LAGE3: variants seen among roughly 807,000 people sequenced by gnomAD.
LAGE3 encodes the protein EKC/KEOPS complex subunit LAGE3.
LAGE3 carries 2 observed loss-of-function variants against 4.4 expected under a neutral mutation model. That is an observed-to-expected ratio of 0.46 (90% CI 0.19 to 1.44). LAGE3 has a LOEUF of 1.44. Among genes scored for constraint, LAGE3 ranks in the 40% most tolerant of loss-of-function variants. LAGE3 has a pLI of 0.26. For synonymous variants in LAGE3, 79 were observed against 60.0 expected (o/e 1.32, Z -1.47); for missense variants, 152 against 138.1 (o/e 1.10, Z -0.51).
At chrX:154,478,220 C>G in intron 2 of LAGE3, 63 bp downstream of exon 2, 1 of 1,189,410 alleles carries the variant, frequency 8.4e-7, no homozygotes, top group Non-Finnish European at 1.1e-6. Flanking sequence ...TAGGGCTCAT[C>G]CTTGGATGTC....
rs782369839 is a variant in LAGE3 at position 154,477,956 on chromosome X, G to A, written c.420C>T (p.Pro140=). The A allele has an allele frequency of 2.4e-5, 29 of 1,208,118 alleles. No individual in the cohort carries two copies. Among genetic ancestry groups the A allele is most frequent in the South Asian group, 1.1e-4 (6 of 56,831 alleles). The change falls in exon 3 of 3, where the codon CCC becomes CCT. Residue 140 remains proline (P), a synonymous_variant. Coordinates refer to ENST00000357360, the MANE Select transcript of LAGE3 (RefSeq NM_006014.5). ...GCCCAGGCCAGGCTTAGCGGGAAAC[G>A]GGGGGCCCAAAGCGCTGCATGGTCC... ...VVRTMQRFGP[P]VSR
At position 154,478,890 on chromosome X, in the gene LAGE3, CCTGCGT is replaced by C; in HGVS notation, c.20_25del (p.Asp7_Ala8del). The C allele has an allele frequency of 1.0e-6, 1 of 1,002,629 alleles. No individual in the cohort carries two copies. Among genetic ancestry groups the C allele is most frequent in the South Asian group, 3.2e-5 (1 of 31,730 alleles). The allele number at this position is 1,002,629 out of a possible 1,213,427, so 82.6% of individuals were successfully genotyped here. On this transcript the variant is annotated inframe_deletion, in exon 1 of 3. Coordinates refer to ENST00000357360, the MANE Select transcript of LAGE3 (RefSeq NM_006014.5). ...GCCATCCCCGCCGTCAGCGCCTCCG[CCTGCGT>C]CTGCATCCGCGTCCCGCATGACCGC...
At chrX:154,478,547 G>A (rs2148261337) in intron 1 of LAGE3, 136 bp from the exon 2 acceptor site, 1 of 975,680 alleles carries the variant, frequency 1.0e-6, no homozygotes, top group Non-Finnish European at 1.4e-6. Flanking sequence ...CCAGGCCACC[G>A]TTAGCAGAGC....
In LAGE3 at chrX:154,478,714, C is replaced by G; in HGVS notation, c.188+14G>C. 9.2e-7 allele frequency: 1 copy of G among 1,088,179 alleles called. No homozygotes were observed. Among genetic ancestry groups the G allele is most frequent in the Non-Finnish European group, 1.2e-6 (1 of 843,043 alleles). 89.7% of individuals were successfully genotyped at this position (1,088,179 alleles called of 1,213,427 possible). A position where few individuals can be genotyped will look rare whatever the true frequency, so the allele number is the denominator to read the frequency against. On this transcript the variant is annotated intron_variant, in intron 1 of 2. Transcript: ENST00000357360. ...TCGCTCCGCCGCAAGCAGCCCCCAG[C>G]TCGGAAAGGATACAATATGTGCGGC...
At position 154,478,770 on chromosome X, in the gene LAGE3, G is replaced by A. The variant is rs1267380693; in HGVS notation, c.146C>T (p.Ala49Val). Residue 49 changes from alanine to valine, a missense_variant, in exon 1 of 3, where the codon GCC becomes GTC. Ala to Val is a moderately conservative substitution (Grantham distance 64). Transcript: ENST00000357360. ...PAHAPGPGRD[A>V]ASAARGSRMR... ...TCGTGACCCCCTGGCCGCAGACGCG[G>A]CGTCTCTGCCCGGACCTGGCGCGTG... is the stretch of plus-strand genomic sequence containing the variant. The A allele has an allele frequency of 1.8e-6, 2 of 1,124,588 alleles. No individual in the cohort carries two copies. The highest frequency in any genetic ancestry group is 1.9e-5 in the African/African-American group (1 of 53,315). The allele number at this position is 1,124,588 out of a possible 1,213,427, so 92.7% of individuals were successfully genotyped here.
rs1463124392 is a variant in LAGE3 at position 154,478,844 on chromosome X, G to A, written c.72C>T (p.Arg24=). 9.5e-7 allele frequency: 1 copy of A among 1,055,222 alleles called. No homozygotes were observed. The highest frequency in any genetic ancestry group is 1.9e-5 in the African/African-American group (1 of 51,731). 87.0% of individuals were successfully genotyped at this position (1,055,222 alleles called of 1,213,427 possible). A position where few individuals can be genotyped will look rare whatever the true frequency, so the allele number is the denominator to read the frequency against. The change falls in exon 1 of 3, where the codon CGC becomes CGT. Residue 24 remains arginine, a synonymous_variant. Transcript: ENST00000357360. ...GAGCTGCGGCTGTGTCCACGCCCCC[G>A]CGGCAGCTGTGGCCACCCCGGCCAT... ...GGDGRGGHSC[R]GGVDTAAAPA... is the part of the protein sequence containing the mutation.
At chrX:154,478,647 G>GGCCC in intron 1 of LAGE3, 81 bp downstream of exon 1, 4 of 786,964 alleles carry the variant, frequency 5.1e-6, no homozygotes, top group Non-Finnish European at 6.6e-6. Context: ...CTTTCCGTCG[G>GGCCC]CCCCCCGCCC....
Position 154,478,877 on chromosome X carries a change from G to A in LAGE3, c.39C>T (p.Asp13=). 9.9e-7 allele frequency: 1 copy of A among 1,009,647 alleles called. No individual in the cohort carries two copies. Among genetic ancestry groups the A allele is most frequent in the Middle Eastern group, 3.9e-4 (1 of 2,587 alleles). The allele number at this position is 1,009,647 out of a possible 1,213,427, so 83.2% of individuals were successfully genotyped here. A position where few individuals can be genotyped will look rare whatever the true frequency, so the allele number is the denominator to read the frequency against. Residue 13 remains aspartate (D), a synonymous_variant, in exon 1 of 3, where the codon GAC becomes GAT. Transcript: ENST00000357360. ...DADADAGGGA[D]GGDGRGGHSC... ...TGTGGCCACCCCGGCCATCCCCGCCGTCAGCGCCTCCGCCTGCGTCTGCAT... is the reference window on the plus strand; with the variant it reads ...TGTGGCCACCCCGGCCATCCCCGCCATCAGCGCCTCCGCCTGCGTCTGCAT...
Position 154,479,269 on chromosome X carries a change from C to T in LAGE3, c.-354G>A, listed in dbSNP as rs782603199. 129 of 180,218 alleles carry T rather than the reference C, an allele frequency of 7.2e-4. No individual in the cohort carries two copies. The highest frequency in any genetic ancestry group is 3.7e-3 in the Middle Eastern group (2 of 535). The allele number at this position is 180,218 out of a possible 1,213,427, so 14.9% of individuals were successfully genotyped here. A position where few individuals can be genotyped will look rare whatever the true frequency, so the allele number is the denominator to read the frequency against. ...ACACCGTGGTCGCCTATCCCAGAGG[C>T]GCACCCCGCGAGGCTCCGCCCCTAA... On this transcript the variant is annotated 5_prime_UTR_variant, in exon 1 of 3. Coordinates refer to ENST00000357360, the MANE Select transcript of LAGE3 (RefSeq NM_006014.5).
At chrX:154,478,196 C>T (rs1156372296) in intron 2 of LAGE3, 87 bp downstream of exon 2, 7 of 1,156,010 alleles carry the variant, frequency 6.1e-6, no homozygotes, top group African/African-American at 3.5e-5. Context: ...CGGCCCAGCG[C>T]ACCTGGCGCT....
chrX:154,478,660 C>A, intron 1 of LAGE3, 68 bp downstream of exon 1: 1 of 995,403 alleles, frequency 1.0e-6, no homozygotes, highest in South Asian at 3.1e-5. Flanking sequence ...CCCCGCCCGC[C>A]CTCCTTTCCT....
At chrX:154,478,541 G>A in intron 1 of LAGE3, 130 bp from the exon 2 acceptor site, 4 of 975,182 alleles carry the variant, frequency 4.1e-6, no homozygotes, top group Non-Finnish European at 4.1e-6. Context: ...CCTCGCCCAG[G>A]CCACCGTTAG....
rs1297949332 is a variant in LAGE3 at position 154,478,864 on chromosome X, G to A, written c.52C>T (p.Arg18Trp). The A allele has an allele frequency of 6.9e-6, 7 of 1,017,973 alleles. No homozygotes were observed. The highest frequency in any genetic ancestry group is 2.0e-5 in the African/African-American group (1 of 50,315). 83.9% of individuals were successfully genotyped at this position (1,017,973 alleles called of 1,213,427 possible). Residue 18 changes from arginine (R) to tryptophan (W), a missense_variant, in exon 1 of 3, where the codon CGG (arginine) becomes TGG (tryptophan). Coordinates refer to ENST00000357360, the MANE Select transcript of LAGE3 (RefSeq NM_006014.5). Reference protein sequence around the residue: ...AGGGADGGDGRGGHSCRGGVD... With the variant: ...AGGGADGGDGWGGHSCRGGVD... ...CCCCCGCGGCAGCTGTGGCCACCCC[G>A]GCCATCCCCGCCGTCAGCGCCTCCG... is the stretch of plus-strand genomic sequence containing the variant.
At chrX:154,478,647 G>GCCCCCCCCCCC in intron 1 of LAGE3, 81 bp downstream of exon 1, 5 of 786,956 alleles carry the variant, frequency 6.4e-6, no homozygotes, top group Non-Finnish European at 6.6e-6. Context: ...CTTTCCGTCG[G>GCCCCCCCCCCC]CCCCCCGCCC....
Position 154,478,346 on chromosome X carries a change from T to C in LAGE3, c.254A>G (p.Asp85Gly). Residue 85 changes from aspartate (D) to glycine (G), a missense_variant, in exon 2 of 3, where the codon GAT becomes GGT. Physicochemically the swap from Asp to Gly is moderately conservative, Grantham distance 94 (BLOSUM62 -1). Transcript: ENST00000357360. The part of the protein sequence containing the change: ...AEIAHGSLAP[D>G]AEPHQRVVGK... ...AACCACCCTTTGGTGGGGCTCGGCA[T>C]CTGGTGCCAGGGACCCATGGGCGAT... 1 of 1,208,837 alleles carries C rather than the reference T, an allele frequency of 8.3e-7. No homozygotes were observed. Among genetic ancestry groups the C allele is most frequent in the Non-Finnish European group, 1.1e-6 (1 of 893,970 alleles).
At chrX:154,478,213 G>C (rs990813622) in intron 2 of LAGE3, 70 bp downstream of exon 2, 25 of 1,178,939 alleles carry the variant, frequency 2.1e-5, no homozygotes, top group Non-Finnish European at 2.9e-5. Context: ...CGCTCCTTAG[G>C]GCTCATCCTT....
Position 154,478,739 on chromosome X carries a change from C to A in LAGE3, c.177G>T (p.Arg59=). 9.1e-7 allele frequency: 1 copy of A among 1,096,519 alleles called. No individual in the cohort carries two copies. Among genetic ancestry groups the A allele is most frequent in the South Asian group, 2.4e-5 (1 of 42,329 alleles). The allele number at this position is 1,096,519 out of a possible 1,213,427, so 90.4% of individuals were successfully genotyped here. ...CTCGGAAAGGATACAATATGTGCGG[C>A]CGCATTCGTGACCCCCTGGCCGCAG... ...AASAARGSRM[R]PHIFTLSVPF... The change falls in exon 1 of 3, where the codon CGG becomes CGT. Residue 59 remains arginine, a synonymous_variant. Coordinates refer to ENST00000357360, the MANE Select transcript of LAGE3 (RefSeq NM_006014.5).
Position 154,479,085 on chromosome X carries a change from C to G in LAGE3, c.-170G>C, listed in dbSNP as rs1352942200. 6.7e-6 allele frequency: 2 copies of G among 299,035 alleles called. No individual in the cohort carries two copies. The highest frequency in any genetic ancestry group is 6.1e-5 in the Admixed American group (1 of 16,388). The allele number at this position is 299,035 out of a possible 1,213,427, so 24.6% of individuals were successfully genotyped here. ...GCGTGGTCAGTTCCCGCCAAGCGGC[C>G]CTGCCGGGGGCCTTCTGAGACCCGG... On this transcript the variant is annotated 5_prime_UTR_variant, in exon 1 of 3. Transcript: ENST00000357360.
chrX:154,478,754 C>G lies in LAGE3; in HGVS notation c.162G>C (p.Arg54Ser), dbSNP rs781965466. Residue 54 changes from arginine to serine, a missense_variant, in exon 1 of 3, where the codon AGG becomes AGC. Arg to Ser is a moderately radical substitution (Grantham distance 110). Transcript: ENST00000357360. ...GPGRDAASAA[R>S]GSRMRPHIFT... ...ATATGTGCGGCCGCATTCGTGACCC[C>G]CTGGCCGCAGACGCGGCGTCTCTGC... 2 of 1,110,224 alleles carry G rather than the reference C, an allele frequency of 1.8e-6. No individual in the cohort carries two copies. Among genetic ancestry groups the G allele is most frequent in the Admixed American group, 3.3e-5 (1 of 30,285 alleles). 91.5% of individuals were successfully genotyped at this position (1,110,224 alleles called of 1,213,427 possible). A position where few individuals can be genotyped will look rare whatever the true frequency, so the allele number is the denominator to read the frequency against.
Sources: allele counts gnomAD v4.1 joint callset, GRCh38; gene constraint gnomAD v4.1.1; transcripts MANE v1.5; gene names NCBI Gene and HGNC (gene_info 2026-07-23, HGNC 2026-07-21).